GCNT2: variants seen among roughly 807,000 people sequenced by gnomAD.
GCNT2 encodes the protein N-acetyllactosaminide beta-1,6-N-acetylglucosaminyl-transferase.
GCNT2 carries 34 observed loss-of-function variants against 34.2 expected under a neutral mutation model. That is an observed-to-expected ratio of 1.00 (90% CI 0.76 to 1.32). The LOEUF is 1.32. Ranked by LOEUF, GCNT2 falls within the 40% of genes most tolerant of loss-of-function variation. The probability of loss-of-function intolerance (pLI) is 0.00; values close to 1 mark genes in which losing one functional copy is unlikely to be tolerated. For synonymous variants in GCNT2, 212 were observed against 188.0 expected, an observed-to-expected ratio of 1.13 and a Z score of -1.04; for missense variants, 584 against 489.4, an observed-to-expected ratio of 1.19 and a Z score of -1.82.
At chr6:10,606,603 C>CTTCAATTAAAGAAATTTAATGGAAAT (rs1765319324) in intron 3 of GCNT2, among the ~76,000 whole-genome samples, 1 of 60,626 alleles carries the variant, frequency 1.6e-5, no homozygotes, top group East Asian at 4.1e-4. Flanking sequence ...GTACCTTTAA[C>CTTCAATTAAAGAAATTTAATGGAAAT]TTCCATTAAA....
rs571108946 is a variant in GCNT2 at position 10,601,351 on chromosome 6, C to T, written c.926-20000C>T. Among the ~76,000 whole-genome samples the T allele has an allele frequency of 6.6e-5, 10 of 152,080 alleles. No homozygotes were observed. In the East Asian group the frequency reaches 1.4e-3, roughly 21 times the overall value. ...GATTCAGAATGAATAGTAGAAACAC[C>T]GTGAACTTAATTGGAAGAACAAGAA... On this transcript the variant is annotated intron_variant, in intron 3 of 4. Coordinates refer to ENST00000495262, the MANE Select transcript of GCNT2 (RefSeq NM_145649.5).
At chr6:10,566,950 A>G (rs1763309601) in intron 3 of GCNT2, among the ~76,000 whole-genome samples, 1 of 152,200 alleles carries the variant, frequency 6.6e-6, no homozygotes, top group Admixed American at 6.5e-5. Context: ...AGGACTGTAT[A>G]TGTCTATCTC....
At chr6:10,556,987 C>T (rs1762744540) in intron 3 of GCNT2, 3 of 1,613,702 alleles carry the variant, frequency 1.9e-6, no homozygotes, top group African/African-American at 1.3e-5. Flanking sequence ...TTATCAACAC[C>T]TGTGGGCAAG....
intron 3 of GCNT2, among the ~76,000 whole-genome samples, chr6:10,532,168 C>T (rs1258976245): frequency 2.6e-5 from 4 of 152,018 alleles, no homozygotes; most frequent in African/African-American, 4.8e-5. Context: ...GGATGGCCTC[C>T]GAGTCCCTTC....
intron 3 of GCNT2, among the ~76,000 whole-genome samples, chr6:10,607,706 G>T (rs1303888925): frequency 1.8e-5 from 2 of 110,936 alleles, no homozygotes; most frequent in Non-Finnish European, 4.8e-5. Context: ...CATTTGGGGG[G>T]TCTTATTGGT....
At chr6:10,573,860 G>A (rs1289388108) in intron 3 of GCNT2, among the ~76,000 whole-genome samples, 1 of 152,206 alleles carries the variant, frequency 6.6e-6, no homozygotes, top group Admixed American at 6.5e-5. Flanking sequence ...GACAATGGTG[G>A]CCTTGAGGGC....
intron 3 of GCNT2, among the ~76,000 whole-genome samples, chr6:10,578,045 G>T (rs940525567): frequency 6.6e-6 from 1 of 152,142 alleles, no homozygotes; most frequent in Non-Finnish European, 1.5e-5. Flanking sequence ...CCTCATTCAA[G>T]AAATATCTGT....
intron 3 of GCNT2, among the ~76,000 whole-genome samples, chr6:10,582,378 TTAA>T (rs1284247820): frequency 1.1e-5 from 1 of 90,724 alleles, no homozygotes; most frequent in Non-Finnish European, 2.2e-5. Context: ...ATACTATAAT[TTAA>T]TATTTATTAT....
intron 3 of GCNT2, chr6:10,557,382 G>A (rs369260097): frequency 3.3e-5 from 49 of 1,494,268 alleles, no homozygotes; most frequent in Middle Eastern, 1.7e-4. Flanking sequence ...GAAATGTGTC[G>A]TATTTGAAAG....
intron 3 of GCNT2, among the ~76,000 whole-genome samples, chr6:10,537,495 G>A (rs772560110): frequency 6.6e-6 from 1 of 152,016 alleles, no homozygotes; most frequent in Non-Finnish European, 1.5e-5. Context: ...GAGGTCAGAA[G>A]TTTGAGACCA....
intron 3 of GCNT2, among the ~76,000 whole-genome samples, chr6:10,574,079 T>C (rs1318748): frequency 0.56 from 85,104 of 152,104 alleles, 24,215 homozygotes; most frequent in Middle Eastern, 0.67. Flanking sequence ...TACTAGCCTA[T>C]TTCAATCTCT....
chr6:10,539,180 C>CTTGTTTTTTTTT (rs1761920989), intron 3 of GCNT2, among the ~76,000 whole-genome samples: 1 of 65,308 alleles, frequency 1.5e-5, no homozygotes, highest in Non-Finnish European at 2.8e-5. Context: ...CTCACCGTCT[C>CTTGTTTTTTTTT]TTTTTTTTTT....
At chr6:10,614,625 CAAAA>C (rs34015959) in intron 3 of GCNT2, among the ~76,000 whole-genome samples, 146 of 105,886 alleles carry the variant, frequency 1.4e-3, no homozygotes, top group Middle Eastern at 4.7e-3. Flanking sequence ...GACTCTGTCT[CAAAA>C]AAAAAAAAAA....
intron 3 of GCNT2, among the ~76,000 whole-genome samples, chr6:10,599,455 C>G (rs1184849614): frequency 2.0e-5 from 3 of 152,202 alleles, no homozygotes; most frequent in Admixed American, 1.3e-4. Flanking sequence ...CCGGGTGTTT[C>G]AGTGAGAGGC....
At chr6:10,584,248 A>T (rs1327820724) in intron 3 of GCNT2, among the ~76,000 whole-genome samples, 1 of 152,166 alleles carries the variant, frequency 6.6e-6, no homozygotes, top group Non-Finnish European at 1.5e-5. Context: ...TTTAAGGAAA[A>T]GTGCTGGGCC....
rs548414450 is a variant in GCNT2 at position 10,612,058 on chromosome 6, C to T, written c.926-9293C>T. 5.3e-4 allele frequency among the ~76,000 whole-genome samples: 81 copies of T among 152,130 alleles called. 1 individual carries two copies. The highest frequency in any genetic ancestry group is 1.8e-3 in the African/African-American group (76 of 41,484). On this transcript the variant is annotated intron_variant, in intron 3 of 4. Transcript: ENST00000495262. Reference sequence around the variant, plus strand: ...CTGAAGTGCAGTGGTGCAATCTCGGCTCACTGCAACCTCTGCCTCCTGGGT... The same window carrying T: ...CTGAAGTGCAGTGGTGCAATCTCGGTTCACTGCAACCTCTGCCTCCTGGGT...
intron 3 of GCNT2, among the ~76,000 whole-genome samples, chr6:10,564,609 G>A (rs1047012098): frequency 9.2e-5 from 14 of 152,364 alleles, no homozygotes; most frequent in Middle Eastern, 3.4e-3. Flanking sequence ...CCTGCAGCCA[G>A]ATGGCCTGAA....
chr6:10,557,231 G>C, intron 3 of GCNT2: 1 of 1,594,656 alleles, frequency 6.3e-7, no homozygotes, highest in Non-Finnish European at 8.5e-7. Context: ...TCTATCAAGA[G>C]AGTTTGCCAA....
chr6:10,545,156 C>T (rs1459730465), intron 3 of GCNT2, among the ~76,000 whole-genome samples: 1 of 151,770 alleles, frequency 6.6e-6, no homozygotes, highest in Non-Finnish European at 1.5e-5. Flanking sequence ...ACTGTATCTT[C>T]TCTTTCTAGT....
Sources: allele counts gnomAD v4.1 joint callset (sites outside exome capture counted in the v4.1 genomes callset), GRCh38; gene constraint gnomAD v4.1.1; transcripts MANE v1.5; gene names NCBI Gene and HGNC (gene_info 2026-07-23, HGNC 2026-07-21).